PIGL: variants seen among roughly 807,000 people sequenced by gnomAD.
PIGL encodes the protein N-acetylglucosaminyl-phosphatidylinositol de-N-acetylase.
A neutral mutation model predicts 31.1 loss-of-function variants in PIGL; 22 were observed. The ratio of observed to expected loss-of-function variants is 0.71; its 90% confidence interval spans 0.51 to 1.01. The LOEUF (loss-of-function observed/expected upper bound fraction) is 1.01. Among genes scored for constraint, PIGL ranks in the 50% least tolerant of loss-of-function variants. The pLI is 0.00. For missense variants in PIGL, 302 were observed against 315.9 expected (o/e 0.96, Z 0.33); for synonymous variants, 131 against 117.4 (o/e 1.12, Z -0.75).
chr17:16,230,066 T>C (rs1252985043), intron 1 of PIGL, among the ~76,000 whole-genome samples: 7 of 152,044 alleles, frequency 4.6e-5, no homozygotes, highest in African/African-American at 7.2e-5. Flanking sequence ...TTTCACTATG[T>C]TGGCCAGGAT....
intron 3 of PIGL, among the ~76,000 whole-genome samples, chr17:16,302,924 C>A (rs2093010988): frequency 6.6e-6 from 1 of 152,110 alleles, no homozygotes; most frequent in Admixed American, 6.6e-5. Flanking sequence ...ACTTGGAATC[C>A]AAAATCCTCT....
intron 2 of PIGL, among the ~76,000 whole-genome samples, chr17:16,278,079 A>C (rs2092902940): frequency 6.7e-6 from 1 of 150,058 alleles, no homozygotes; most frequent in Admixed American, 6.6e-5. Flanking sequence ...TTTTTGAGAC[A>C]GAATCTCACT....
chr17:16,296,883 AT>A (rs1055386921), intron 2 of PIGL, among the ~76,000 whole-genome samples: 9 of 147,674 alleles, frequency 6.1e-5, no homozygotes, highest in African/African-American at 7.4e-5. Flanking sequence ...CGCCCGGCTA[AT>A]TTTTTTTTTG....
intron 2 of PIGL, among the ~76,000 whole-genome samples, chr17:16,280,798 C>T (rs943735256): frequency 2.6e-5 from 4 of 152,220 alleles, no homozygotes; most frequent in Non-Finnish European, 5.9e-5. Flanking sequence ...CTCTATCTCC[C>T]GGGTTCAACC....
chr17:16,284,913 ATCGACTCTG>A (rs1232925075), intron 2 of PIGL, among the ~76,000 whole-genome samples: 5 of 152,216 alleles, frequency 3.3e-5, no homozygotes, highest in Non-Finnish European at 7.3e-5. Flanking sequence ...GTATTGATAA[ATCGACTCTG>A]TCTAGGCAGC....
intron 2 of PIGL, among the ~76,000 whole-genome samples, chr17:16,247,498 G>C (rs1298864969): frequency 1.3e-5 from 2 of 152,200 alleles, no homozygotes; most frequent in African/African-American, 2.4e-5. Flanking sequence ...AGGGAGAAAT[G>C]GGTGACAGGC....
chr17:16,296,482 T>C (rs943827526), intron 2 of PIGL, among the ~76,000 whole-genome samples: 2 of 151,512 alleles, frequency 1.3e-5, no homozygotes, highest in African/African-American at 2.4e-5. Context: ...TGGTGGCAGG[T>C]GTCTGTAGTC....
intron 3 of PIGL, among the ~76,000 whole-genome samples, chr17:16,306,315 CT>C: frequency 6.6e-6 from 1 of 152,094 alleles, no homozygotes; most frequent in Non-Finnish European, 1.5e-5. Context: ...GCTGGCATTA[CT>C]TTTCCTGATC....
chr17:16,294,005 C>A (rs1265764691), intron 2 of PIGL, among the ~76,000 whole-genome samples: 1 of 152,120 alleles, frequency 6.6e-6, no homozygotes, highest in Non-Finnish European at 1.5e-5. Context: ...CTGTGTCATA[C>A]CTGATAGCAG....
At chr17:16,228,821 A>C (rs139843555) in intron 1 of PIGL, among the ~76,000 whole-genome samples, 737 of 152,284 alleles carry the variant, frequency 4.8e-3, no homozygotes, top group Non-Finnish European at 8.3e-3. Context: ...CTCCTCTCCC[A>C]AGCCTCTGGT....
chr17:16,246,044 T>C (rs2092745188), intron 2 of PIGL, among the ~76,000 whole-genome samples: 1 of 150,254 alleles, frequency 6.7e-6, no homozygotes, highest in African/African-American at 2.4e-5. Context: ...AGGATGGTCT[T>C]GATCTACTGA....
intron 1 of PIGL, among the ~76,000 whole-genome samples, chr17:16,225,659 G>GT (rs1284729456): frequency 2.0e-5 from 3 of 148,944 alleles, no homozygotes; most frequent in South Asian, 2.1e-4. Context: ...TTGTTGTTTT[G>GT]TTTTTTGCAC....
chr17:16,318,350 A>G (rs2093087652), intron 6 of PIGL, among the ~76,000 whole-genome samples: 1 of 150,920 alleles, frequency 6.6e-6, no homozygotes, highest in African/African-American at 2.4e-5. Context: ...GGCTCACTGC[A>G]ACCTCCGCCT....
intron 1 of PIGL, among the ~76,000 whole-genome samples, chr17:16,224,040 C>A (rs2092640861): frequency 6.6e-6 from 1 of 151,960 alleles, no homozygotes; most frequent in Non-Finnish European, 1.5e-5. Context: ...CGTGGTGAAA[C>A]CCTGTCTCTA....
chr17:16,244,808 G>A (rs895119539), intron 2 of PIGL, among the ~76,000 whole-genome samples: 8 of 151,738 alleles, frequency 5.3e-5, no homozygotes, highest in Non-Finnish European at 1.2e-4. Flanking sequence ...CCGAGTAGCT[G>A]GGACTACAGG....
chr17:16,274,406 T>TATTA (rs1412325395), intron 2 of PIGL, among the ~76,000 whole-genome samples: 1 of 152,144 alleles, frequency 6.6e-6, no homozygotes, highest in Non-Finnish European at 1.5e-5. Flanking sequence ...TTTATTTATT[T>TATTA]TAAGCAAAAG....
intron 5 of PIGL, 59 bp downstream of exon 5, chr17:16,316,771 A>AG (rs771970196): frequency 3.7e-5 from 60 of 1,600,234 alleles, no homozygotes; most frequent in Non-Finnish European, 4.7e-5. Flanking sequence ...GAAACTTATG[A>AG]GGGGGAAATT....
At chr17:16,287,152 G>A (rs982030200) in intron 2 of PIGL, among the ~76,000 whole-genome samples, 2 of 152,234 alleles carry the variant, frequency 1.3e-5, no homozygotes, top group Non-Finnish European at 2.9e-5. Context: ...CAGGCACCGA[G>A]AAGCCGCAGG....
At chr17:16,323,907 G>A (rs939147790) in intron 6 of PIGL, among the ~76,000 whole-genome samples, 36 of 151,866 alleles carry the variant, frequency 2.4e-4, no homozygotes, top group Admixed American at 7.2e-4. Context: ...ATGAGACACC[G>A]TGCCCTGCCC....
Sources: gnomAD v4.1 joint callset for allele counts (sites outside exome capture counted in the v4.1 genomes callset) on GRCh38, gnomAD v4.1.1 for gene constraint, MANE v1.5 for transcripts, NCBI Gene and HGNC (gene_info 2026-07-23, HGNC 2026-07-21) for gene names.